GOLGB1: variants seen among roughly 807,000 people sequenced by gnomAD.
GOLGB1 encodes the protein golgin B1, also known as golgin subfamily B member 1.
GOLGB1 carries 174 observed loss-of-function variants against 336.9 expected under a neutral mutation model. The ratio of observed to expected loss-of-function variants is 0.52; its 90% confidence interval spans 0.46 to 0.59. GOLGB1 has a LOEUF of 0.59. Ranked by LOEUF, GOLGB1 falls within the 20% of genes least tolerant of loss-of-function variation. The probability of loss-of-function intolerance (pLI) is 0.00; values close to 1 mark genes in which losing one functional copy is unlikely to be tolerated. For synonymous variants in GOLGB1, 1,208 were observed against 1,289.2 expected, an observed-to-expected ratio of 0.94 and a Z score of 1.35; for missense variants, 3,331 against 3,645.3, an observed-to-expected ratio of 0.91 and a Z score of 2.22.
intron 5 of GOLGB1, among the ~76,000 whole-genome samples, chr3:121,724,042 G>A (rs115543099): frequency 2.2e-3 from 328 of 152,238 alleles, no homozygotes; most frequent in African/African-American, 7.4e-3. Flanking sequence ...TCTGTTACAC[G>A]CAAGAGAAAA....
chr3:121,688,263 C>G (rs951995551), intron 14 of GOLGB1, among the ~76,000 whole-genome samples: 1 of 152,234 alleles, frequency 6.6e-6, no homozygotes, highest in Non-Finnish European at 1.5e-5. Context: ...CTGCTGCCAT[C>G]TCGGCTCACT....
At position 121,691,141 on chromosome 3, in the gene GOLGB1, A is replaced by G; in HGVS notation, c.8223T>C (p.Phe2741=). 1.2e-6 allele frequency: 2 copies of G among 1,613,848 alleles called. No homozygotes were observed. The highest frequency in any genetic ancestry group is 1.7e-6 in the Non-Finnish European group (2 of 1,179,934). ...TTTGCAAGGAACTCATAGACCTTCC[A>G]AAAGACTGAATTTGTGCTGTGAGAC... The part of the protein sequence containing the change: ...NKGLTAQIQS[F]GRSMSSLQNS... Residue 2741 remains phenylalanine, a synonymous_variant, in exon 14 of 22, where the codon TTT becomes TTC. Transcript: ENST00000614479.
intron 1 of GOLGB1, among the ~76,000 whole-genome samples, chr3:121,746,038 A>G (rs1264972326): frequency 1.3e-5 from 2 of 152,256 alleles, no homozygotes; most frequent in East Asian, 3.9e-4. Flanking sequence ...AACTGAAGAC[A>G]GTGAGTGCAT....
rs2107868445 is a variant in GOLGB1 at position 121,698,237 on chromosome 3, G to A, written c.2286C>T (p.Ser762=). The part of the protein sequence containing the change: ...DQLLSQVKEL[S]MVTELRAQVK... ...CCTGAGCCCTCAATTCTGTTACCAT[G>A]CTAAGTTCCTTCACCTGAGAGAGAA... The change falls in exon 13 of 22, where the codon AGC becomes AGT. Residue 762 remains serine (S), a synonymous_variant. Coordinates refer to ENST00000614479, the MANE Select transcript of GOLGB1 (RefSeq NM_001366282.2). 1.9e-6 allele frequency: 3 copies of A among 1,613,858 alleles called. No homozygotes were observed. In the South Asian group the frequency reaches 3.3e-5, roughly 18 times the overall value.
chr3:121,682,882 G>C (rs927944820), intron 14 of GOLGB1, among the ~76,000 whole-genome samples: 1 of 151,932 alleles, frequency 6.6e-6, no homozygotes, highest in African/African-American at 2.4e-5. Context: ...ATCTAAAGCT[G>C]GTAGTAAGAA....
intron 4 of GOLGB1, 132 bp from the exon 5 acceptor site, chr3:121,727,173 G>A: frequency 2.3e-6 from 1 of 436,816 alleles, no homozygotes. Context: ...AGAAAAACCA[G>A]CTGATCTAAC....
intron 16 of GOLGB1, 71 bp downstream of exon 16, chr3:121,677,214 A>AC: frequency 7.5e-7 from 1 of 1,331,914 alleles, no homozygotes; most frequent in Non-Finnish European, 1.0e-6. Context: ...AAAAAAAAAC[A>AC]AAACCCTGCA....
intron 5 of GOLGB1, among the ~76,000 whole-genome samples, chr3:121,726,051 G>A (rs1945566991): frequency 6.6e-6 from 1 of 150,658 alleles, no homozygotes; most frequent in Non-Finnish European, 1.5e-5. Context: ...AGAATGATAT[G>A]ATTATAGGTG....
In GOLGB1 at chr3:121,729,847, G is replaced by A. The variant is rs757007233; in HGVS notation, c.249+18C>T. ...CCTTTATCAAATGCTCCACAAGAAA[G>A]GATAAAAACAATAGTACCTGTAGAG... On this transcript the variant is annotated intron_variant, in intron 3 of 21. Transcript: ENST00000614479. 1.3e-6 allele frequency: 2 copies of A among 1,582,748 alleles called. No individual in the cohort carries two copies. The highest frequency in any genetic ancestry group is 2.3e-5 in the South Asian group (2 of 88,692).
chr3:121,718,225 G>T (rs572245527), intron 8 of GOLGB1, among the ~76,000 whole-genome samples, 163 bp downstream of exon 8: 2 of 152,300 alleles, frequency 1.3e-5, no homozygotes, highest in African/African-American at 4.8e-5. Context: ...GCTCATAATT[G>T]TACTGCATCC....
At chr3:121,738,303 G>T (rs1292225116) in intron 1 of GOLGB1, among the ~76,000 whole-genome samples, 2 of 152,102 alleles carry the variant, frequency 1.3e-5, no homozygotes, top group Non-Finnish European at 2.9e-5. Flanking sequence ...GAGTAGCAAG[G>T]GGCCCCATGG....
chr3:121,726,118 CAA>C (rs930579560), intron 5 of GOLGB1, among the ~76,000 whole-genome samples: 8 of 150,988 alleles, frequency 5.3e-5, no homozygotes, highest in Admixed American at 1.3e-4. Flanking sequence ...CAATCTATTT[CAA>C]AAAGTTTTTA....
chr3:121,672,337 T>G (rs910637790), intron 17 of GOLGB1, among the ~76,000 whole-genome samples: 1 of 152,246 alleles, frequency 6.6e-6, no homozygotes, highest in Non-Finnish European at 1.5e-5. Flanking sequence ...AAAGGTGAGA[T>G]GACATCTCAC....
chr3:121,707,222 T>C (rs1361021532), intron 10 of GOLGB1, among the ~76,000 whole-genome samples: 1 of 62,856 alleles, frequency 1.6e-5, no homozygotes, highest in Admixed American at 1.5e-4. Context: ...TGAGACTCCA[T>C]CTCAAAAAAA....
At chr3:121,715,930 T>G (rs1944731408) in intron 9 of GOLGB1, among the ~76,000 whole-genome samples, 1 of 151,510 alleles carries the variant, frequency 6.6e-6, no homozygotes. Flanking sequence ...AGGCAGAGGT[T>G]GCAGTGAGCC....
chr3:121,695,163 T>A lies in GOLGB1; in HGVS notation c.5360A>T (p.Gln1787Leu), dbSNP rs1484103121. 2 of 1,613,960 alleles carry A rather than the reference T, an allele frequency of 1.2e-6. No individual in the cohort carries two copies. Among genetic ancestry groups the A allele is most frequent in the Non-Finnish European group, 1.7e-6 (2 of 1,179,992 alleles). ...TGTTCCCTCTTCAGTGACATTCGTT[T>A]GGTTATCATGTTTCTCGGTGGCCTC... is the stretch of plus-strand genomic sequence containing the variant. ...NLEATEKHDN[Q>L]TNVTEEGTQS... The change falls in exon 13 of 22, where the codon CAA becomes CTA. Residue 1787 changes from glutamine (Q) to leucine (L), a missense_variant. Physicochemically the swap from Gln to Leu is moderately radical, Grantham distance 113. Transcript: ENST00000614479.
intron 13 of GOLGB1, among the ~76,000 whole-genome samples, chr3:121,692,874 C>T (rs1173459677): frequency 6.6e-6 from 1 of 152,248 alleles, no homozygotes. Context: ...AACATTTTCT[C>T]CTATTTTATT....
Position 121,694,668 on chromosome 3 carries a change from G to T in GOLGB1, c.5855C>A (p.Ala1952Asp). 1 of 1,610,488 alleles carries T rather than the reference G, an allele frequency of 6.2e-7. No homozygotes were observed. The change falls in exon 13 of 22, where the codon GCC (alanine) becomes GAC (aspartate). Residue 1952 changes from alanine (A) to aspartate (D), a missense_variant. Coordinates refer to ENST00000614479, the MANE Select transcript of GOLGB1 (RefSeq NM_001366282.2). Reference protein sequence around the residue: ...IGNYCQDVTDAQIKNELLESE... With the variant: ...IGNYCQDVTDDQIKNELLESE... ...TTCCAATAGCTCATTTTTTATTTGG[G>T]CATCTGTAACATCCTGACAGTAATT... is the stretch of plus-strand genomic sequence containing the variant.
intron 1 of GOLGB1, among the ~76,000 whole-genome samples, chr3:121,745,990 C>T (rs1032249204): frequency 7.9e-5 from 12 of 151,978 alleles, no homozygotes; most frequent in South Asian, 2.1e-4. Flanking sequence ...CCCTAGCCAC[C>T]GAAAACAGAA....
Sources: gnomAD v4.1 joint callset for allele counts (sites outside exome capture counted in the v4.1 genomes callset) on GRCh38, gnomAD v4.1.1 for gene constraint, MANE v1.5 for transcripts, NCBI Gene and HGNC (gene_info 2026-07-23, HGNC 2026-07-21) for gene names.